The following ZNF362 variants were observed in gnomAD, a reference collection of about 807,000 sequenced individuals.
ZNF362 encodes rotund homolog.
ZNF362 carries 11 observed loss-of-function variants against 42.9 expected under a neutral mutation model. The observed-to-expected ratio is 0.26, with a 90% CI of 0.16 to 0.42. The LOEUF (loss-of-function observed/expected upper bound fraction) is 0.42, where lower values mean the gene tolerates loss of function less well. ZNF362 is among the 20% of genes least tolerant of loss of function. ZNF362 has a pLI of 1.00. For synonymous variants in ZNF362, 255 were observed against 257.3 expected (o/e 0.99, Z 0.09); for missense variants, 362 against 576.2 (o/e 0.63, Z 3.81).
the ZNF362 span, among the ~76,000 whole-genome samples, chr1:33,249,137 G>A: frequency 6.6e-6 from 1 of 152,252 alleles, no homozygotes; most frequent in African/African-American, 2.4e-5. Context: ...GATGGTAGAA[G>A]GTCACCCTCA....
Position 33,280,181 on chromosome 1 carries a change from C to T in ZNF362, c.407C>T (p.Ala136Val), listed in dbSNP as rs779836581. The T allele has an allele frequency of 1.1e-5, 18 of 1,612,202 alleles. No individual in the cohort carries two copies. The highest frequency in any genetic ancestry group is 1.7e-4 in the Middle Eastern group (1 of 6,050). Residue 136 changes from alanine to valine, a missense_variant, in exon 5 of 9, where the codon GCG becomes GTG. Around this residue, in one of 3 missense-constraint regions of ZNF362, gnomAD observed 266 missense variants for 365.4 expected, o/e 0.73. Coordinates refer to ENST00000539719, the MANE Select transcript of ZNF362 (RefSeq NM_152493.3). This position sits in a 1 kb window ranked among gnomAD's most constrained non-coding sequence, Gnocchi z 5.6. ...AGCACTTCTGAGTCAAGCGCGGGCG[C>T]GGGCACGGGCACGGGTACCAGCACC... Reference protein sequence around the residue: ...SVSTSESSAGAGTGTGTSTPS... With the variant: ...SVSTSESSAGVGTGTGTSTPS...
chr1:33,280,013 C>T lies in ZNF362; in HGVS notation c.350-111C>T. 7.6e-7 allele frequency: 1 copy of T among 1,316,470 alleles called. No homozygotes were observed. The highest frequency in any genetic ancestry group is 1.0e-6 in the Non-Finnish European group (1 of 988,080). The allele number at this position is 1,316,470 out of a possible 1,614,324, so 81.5% of individuals were successfully genotyped here. ...TCATTTAGTTACCCCTGGGTAATAACTTATGAACGTTAAGGGGATGCTCGC... is the reference window on the plus strand; with the variant it reads ...TCATTTAGTTACCCCTGGGTAATAATTTATGAACGTTAAGGGGATGCTCGC... On this transcript the variant is annotated intron_variant, in intron 4 of 8. Transcript: ENST00000539719. This position sits in a 1 kb window ranked among gnomAD's most constrained non-coding sequence, Gnocchi z 5.6.
At position 33,281,809 on chromosome 1, in the gene ZNF362, C is replaced by G. The variant is rs1178593030; in HGVS notation, c.906C>G (p.Thr302=). ...FRQLSHLQQH[T]RIHTGDRPYK... ...AGCTCTCCCACCTCCAGCAGCACAC[C>G]AGGTGAGTGGCCTGCCTGCTGCCCT... Residue 302 remains threonine, a splice_region_variant and synonymous_variant, in exon 6 of 9, where the codon ACC becomes ACG. Transcript: ENST00000539719. This position sits in a 1 kb window ranked among gnomAD's most constrained non-coding sequence, Gnocchi z 4.8. 1.2e-6 allele frequency: 2 copies of G among 1,613,932 alleles called. No homozygotes were observed. Among genetic ancestry groups the G allele is most frequent in the Non-Finnish European group, 8.5e-7 (1 of 1,179,934 alleles).
In ZNF362 at chr1:33,266,565, G is replaced by A. The variant is rs1645866401; in HGVS notation, c.-88-3922G>A. Among the ~76,000 whole-genome samples, 1 of 152,244 alleles carries A rather than the reference G, an allele frequency of 6.6e-6. No homozygotes were observed. The highest frequency in any genetic ancestry group is 1.5e-5 in the Non-Finnish European group (1 of 68,042). On this transcript the variant is annotated intron_variant, in intron 1 of 8. Coordinates refer to ENST00000539719, the MANE Select transcript of ZNF362 (RefSeq NM_152493.3). The surrounding 1 kb of genome is among the most constrained non-coding windows in gnomAD (Gnocchi z 4.3). The stretch of plus-strand genomic sequence containing the variant: ...TTGAGACAGGAGGGAAGACCTGGGT[G>A]AGCTGTGGGGCTATGTTGGGGTAGG...
chr1:33,215,315 A>G, the ZNF362 span, among the ~76,000 whole-genome samples: 1 of 152,086 alleles, frequency 6.6e-6, no homozygotes, highest in African/African-American at 2.4e-5. Context: ...TCATGAAGAT[A>G]GAGAGTAGAA....
chr1:33,159,401 C>T, the ZNF362 span, among the ~76,000 whole-genome samples: 2 of 152,152 alleles, frequency 1.3e-5, no homozygotes, highest in African/African-American at 4.8e-5. The surrounding 1 kb of genome is among the most constrained non-coding windows in gnomAD (Gnocchi z 4.2). Context: ...CAGATCCTTT[C>T]TCTCCTGCAC....
chr1:33,177,419 G>A, the ZNF362 span, among the ~76,000 whole-genome samples: 1 of 152,170 alleles, frequency 6.6e-6, no homozygotes, highest in Non-Finnish European at 1.5e-5. This position sits in a 1 kb window ranked among gnomAD's most constrained non-coding sequence, Gnocchi z 4.1. Flanking sequence ...TAGAGAAGGA[G>A]CCTTAGAGAA....
chr1:33,277,289 A>G (rs1213237521), intron 4 of ZNF362, among the ~76,000 whole-genome samples: 1 of 152,260 alleles, frequency 6.6e-6, no homozygotes, highest in East Asian at 1.9e-4. Flanking sequence ...AGGCAGAGAA[A>G]GGTAAAGCCA....
chr1:33,264,435 G>A (rs761276177), intron 1 of ZNF362, among the ~76,000 whole-genome samples: 3 of 152,178 alleles, frequency 2.0e-5, no homozygotes, highest in Non-Finnish European at 4.4e-5. Flanking sequence ...TCCTCACTGT[G>A]TGTCAGGCAG....
Position 33,299,560 on chromosome 1 carries a change from A to AG in ZNF362, c.*518dup, listed in dbSNP as rs1158411722. 1.3e-5 allele frequency: 2 copies of AG among 154,744 alleles called. No homozygotes were observed. Among genetic ancestry groups the AG allele is most frequent in the Admixed American group, 6.4e-5 (1 of 15,606 alleles). The allele number at this position is 154,744 out of a possible 1,614,324, so 9.6% of individuals were successfully genotyped here. On this transcript the variant is annotated 3_prime_UTR_variant, in exon 9 of 9. Transcript: ENST00000539719. ...ACTGCAAAGGGGACCCCCAGGTGGG[A>AG]GGGGCAGGAAGCAGCCGGAGTGAGC...
At chr1:33,286,796 T>TAGAGTAGGAAATA (rs948825517) in intron 6 of ZNF362, among the ~76,000 whole-genome samples, 2 of 152,090 alleles carry the variant, frequency 1.3e-5, no homozygotes, top group African/African-American at 4.8e-5. Context: ...TACTTATTTG[T>TAGAGTAGGAAATA]CCCTTGGCAG....
the ZNF362 span, among the ~76,000 whole-genome samples, chr1:33,250,361 A>T: frequency 2.0e-5 from 3 of 152,242 alleles, no homozygotes; most frequent in Admixed American, 2.0e-4. Flanking sequence ...GATAGACGGG[A>T]TAATGAAAAT....
chr1:33,274,821 C>CAA (rs974835173), intron 2 of ZNF362: 3 of 484,600 alleles, frequency 6.2e-6, no homozygotes, highest in African/African-American at 2.1e-5. Flanking sequence ...TCCTCCTTCC[C>CAA]CTCTCTCTGA....
At chr1:33,237,801 TTTCTTTACTCC>T in the ZNF362 span, among the ~76,000 whole-genome samples, 1 of 152,182 alleles carries the variant, frequency 6.6e-6, no homozygotes, top group South Asian at 2.1e-4. Context: ...GAGGTTTCTC[TTTCTTTACTCC>T]GTCAGCTGCT....
intron 6 of ZNF362, among the ~76,000 whole-genome samples, chr1:33,282,827 GAAA>G (rs11332548): frequency 1.2e-4 from 16 of 132,964 alleles, no homozygotes; most frequent in East Asian, 2.1e-4. Context: ...TGTCTCAAGA[GAAA>G]AAAAAAAAAA....
chr1:33,205,985 A>G, the ZNF362 span, among the ~76,000 whole-genome samples: 1 of 152,122 alleles, frequency 6.6e-6, no homozygotes, highest in South Asian at 2.1e-4. Flanking sequence ...CCAAATATAG[A>G]CCCGTGTTTA....
the ZNF362 span, among the ~76,000 whole-genome samples, chr1:33,216,998 G>A: frequency 2.6e-5 from 4 of 151,854 alleles, no homozygotes; most frequent in Non-Finnish European, 5.9e-5. Context: ...ATGAATTGCT[G>A]AGGCGGTTCT....
chr1:33,135,332 C>T, the ZNF362 span, among the ~76,000 whole-genome samples: 15 of 152,230 alleles, frequency 9.9e-5, no homozygotes, highest in South Asian at 2.7e-3. Context: ...CAACCCAGGT[C>T]CGCATGCTGC....
At chr1:33,128,968 C>T in the ZNF362 span, among the ~76,000 whole-genome samples, 19 of 152,072 alleles carry the variant, frequency 1.2e-4, no homozygotes, top group African/African-American at 3.1e-4. Flanking sequence ...ATAAAGCTGC[C>T]GGCCAGGATT....
Sources: allele counts gnomAD v4.1 joint callset (sites outside exome capture counted in the v4.1 genomes callset), GRCh38; gene constraint gnomAD v4.1.1; regional missense constraint gnomAD v4.1.1; non-coding constraint Gnocchi (gnomAD v3.1); transcripts MANE v1.5; gene names NCBI Gene and HGNC (gene_info 2026-07-23, HGNC 2026-07-21).